TRAPPC11: variants seen among roughly 807,000 people sequenced by gnomAD.
TRAPPC11 encodes trafficking protein particle complex subunit 11.
A neutral mutation model predicts 151.2 loss-of-function variants in TRAPPC11; 104 were observed. The observed-to-expected ratio is 0.69, with a 90% CI of 0.59 to 0.81. The LOEUF (loss-of-function observed/expected upper bound fraction) is 0.81, where lower values mean the gene tolerates loss of function less well. TRAPPC11 is among the 30% of genes least tolerant of loss of function. TRAPPC11 has a pLI of 0.00. For synonymous variants in TRAPPC11, 456 were observed against 472.3 expected (o/e 0.97, Z 0.45); for missense variants, 1,230 against 1,349.6 (o/e 0.91, Z 1.39).
chr4:183,685,017 C>A (rs949769705), intron 15 of TRAPPC11, 67 bp from the exon 16 acceptor site: 1 of 1,488,768 alleles, frequency 6.7e-7, no homozygotes, highest in Non-Finnish European at 9.2e-7. Context: ...GTTTCTAAAA[C>A]AATAAATGGG....
chr4:183,681,697 G>A (rs1393197764), intron 10 of TRAPPC11, among the ~76,000 whole-genome samples: 1 of 151,688 alleles, frequency 6.6e-6, no homozygotes, highest in African/African-American at 2.4e-5. Flanking sequence ...GGAGAATGGC[G>A]TGAACCTGGG....
chr4:183,673,099 A>G (rs1361574245), intron 5 of TRAPPC11, among the ~76,000 whole-genome samples: 1 of 151,396 alleles, frequency 6.6e-6, no homozygotes, highest in Non-Finnish European at 1.5e-5. Context: ...AGTAGCTGGG[A>G]CTACAGGTGC....
At chr4:183,700,045 C>T (rs938094480) in intron 25 of TRAPPC11, among the ~76,000 whole-genome samples, 13 of 152,154 alleles carry the variant, frequency 8.5e-5, no homozygotes, top group South Asian at 2.1e-4. Flanking sequence ...ATCTCCTGAC[C>T]GCGTGATCTG....
chr4:183,697,454 T>C, intron 23 of TRAPPC11, 49 bp from the exon 24 acceptor site: 1 of 1,557,580 alleles, frequency 6.4e-7, no homozygotes, highest in Non-Finnish European at 8.7e-7. Context: ...AAACTTTATA[T>C]AAAAAGATTT....
In TRAPPC11 at chr4:183,663,931, C is replaced by T; in HGVS notation, c.64C>T (p.Leu22=). 1 of 1,614,150 alleles carries T rather than the reference C, an allele frequency of 6.2e-7. No individual in the cohort carries two copies. Among genetic ancestry groups the T allele is most frequent in the East Asian group, 2.2e-5 (1 of 44,888 alleles). ...TTGCCGGCCTATGGCCTTTGTTACT[C>T]TAACGGGCCTGGATGTAGTTTATAA... is the stretch of plus-strand genomic sequence containing the variant. ...LCCRPMAFVT[L]TGLDVVYNAV... is the part of the protein sequence containing the mutation. The change falls in exon 2 of 30, where the codon CTA becomes TTA. Residue 22 remains leucine, a synonymous_variant. Coordinates refer to ENST00000334690, the MANE Select transcript of TRAPPC11 (RefSeq NM_021942.6).
intron 23 of TRAPPC11, among the ~76,000 whole-genome samples, chr4:183,697,046 A>G (rs1277491407): frequency 1.3e-5 from 2 of 152,126 alleles, no homozygotes; most frequent in East Asian, 3.9e-4. Context: ...CACTTTAGCC[A>G]GGTGCTGTGG....
chr4:183,707,269 T>C (rs1241576748), intron 28 of TRAPPC11, among the ~76,000 whole-genome samples: 3 of 151,816 alleles, frequency 2.0e-5, no homozygotes, highest in Non-Finnish European at 4.4e-5. Context: ...TGTGTGTGTG[T>C]GTGTGTGTGT....
At chr4:183,667,724 T>C (rs1007556852) in intron 4 of TRAPPC11, among the ~76,000 whole-genome samples, 7 of 152,224 alleles carry the variant, frequency 4.6e-5, no homozygotes, top group Non-Finnish European at 8.8e-5. Flanking sequence ...GTTTTAGTTA[T>C]GTTTTTTGAA....
chr4:183,676,026 T>G (rs1579175283), intron 7 of TRAPPC11, among the ~76,000 whole-genome samples: 2 of 152,348 alleles, frequency 1.3e-5, no homozygotes, highest in East Asian at 3.9e-4. Flanking sequence ...AAAAATAATT[T>G]TATTATTCAC....
chr4:183,686,384 G>A (rs1440050485), intron 17 of TRAPPC11, among the ~76,000 whole-genome samples: 1 of 152,196 alleles, frequency 6.6e-6, no homozygotes, highest in East Asian at 1.9e-4. Flanking sequence ...TGATCCGCCT[G>A]GCTTGGCCTC....
At chr4:183,706,658 A>G (rs1737088228) in intron 27 of TRAPPC11, 149 bp from the exon 28 acceptor site, 14 of 792,194 alleles carry the variant, frequency 1.8e-5, no homozygotes, top group Middle Eastern at 3.8e-4. Flanking sequence ...CTGTTGTCCA[A>G]TCAAAGAATT....
chr4:183,712,554 T>C, intron 29 of TRAPPC11, 46 bp from the exon 30 acceptor site: 1 of 1,568,274 alleles, frequency 6.4e-7, no homozygotes, highest in South Asian at 1.1e-5. Context: ...GCTTTTGTTA[T>C]TATATTATAA....
chr4:183,700,029 G>T (rs991411730), intron 25 of TRAPPC11, among the ~76,000 whole-genome samples: 1 of 151,898 alleles, frequency 6.6e-6, no homozygotes, highest in South Asian at 2.1e-4. Flanking sequence ...TTTCACCGTG[G>T]TCTCGATCTC....
intron 10 of TRAPPC11, among the ~76,000 whole-genome samples, chr4:183,681,594 C>A (rs1358604912): frequency 6.6e-6 from 1 of 152,006 alleles, no homozygotes; most frequent in Non-Finnish European, 1.5e-5. Flanking sequence ...TCCTGGCTAA[C>A]ACGATGAAAC....
intron 17 of TRAPPC11, among the ~76,000 whole-genome samples, chr4:183,685,636 A>T (rs1735928290): frequency 6.6e-6 from 1 of 152,118 alleles, no homozygotes; most frequent in Admixed American, 6.6e-5. Context: ...TTCAGGTGTT[A>T]TTAGAAACAC....
rs772949319 is a variant in TRAPPC11 at position 183,666,293 on chromosome 4, T to C, written c.241T>C (p.Leu81=). The change falls in exon 3 of 30, where the codon TTA becomes CTA. Residue 81 remains leucine, a synonymous_variant. Coordinates refer to ENST00000334690, the MANE Select transcript of TRAPPC11 (RefSeq NM_021942.6). ...SYEWYIPKGI[L]KTGWMNKHLN... is the part of the protein sequence containing the mutation. ...TGAGTGGTACATTCCTAAAGGGATC[T>C]TAAAGACTGGCTGGATGAATAAGCA... 6.2e-7 allele frequency: 1 copy of C among 1,614,218 alleles called. No homozygotes were observed. The highest frequency in any genetic ancestry group is 8.5e-7 in the Non-Finnish European group (1 of 1,180,024).
chr4:183,685,462 A>T lies in TRAPPC11; in HGVS notation c.1762+59A>T. On this transcript the variant is annotated intron_variant, in intron 17 of 29. Transcript: ENST00000334690. ...GAAATTGTCTTATTTCTACAAAATG[A>T]ATAGGTGCAGAATAATAAATATAAA... The T allele has an allele frequency of 1.9e-6, 3 of 1,546,132 alleles. No individual in the cohort carries two copies. The Admixed American group carries it at 5.1e-5, about 26-fold the overall frequency.
chr4:183,697,882 C>A (rs200831837), intron 25 of TRAPPC11, 47 bp downstream of exon 25: 19 of 1,034,288 alleles, frequency 1.8e-5, no homozygotes, highest in Admixed American at 5.0e-5. Context: ...ATTGTGCGCG[C>A]GTGTGTGTGT....
Position 183,664,116 on chromosome 4 carries a change from A to G in TRAPPC11, c.204+45A>G, listed in dbSNP as rs72691592. On this transcript the variant is annotated intron_variant, in intron 2 of 29. Transcript: ENST00000334690. The stretch of plus-strand genomic sequence containing the variant: ...ATGTGTTCTTTCCTTCTCTCTCTCT[A>G]TGTGTGTGTGTGTGTCTTTTTTGTT... 0.055 allele frequency: 60,360 copies of G among 1,102,464 alleles called. 1,273 individuals carry two copies. Among genetic ancestry groups the G allele is most frequent in the Middle Eastern group, 0.071 (266 of 3,754 alleles). 68.3% of individuals were successfully genotyped at this position (1,102,464 alleles called of 1,614,324 possible). A position where few individuals can be genotyped will look rare whatever the true frequency, so the allele number is the denominator to read the frequency against.
Sources: allele counts gnomAD v4.1 joint callset (sites outside exome capture counted in the v4.1 genomes callset), GRCh38; gene constraint gnomAD v4.1.1; transcripts MANE v1.5; gene names NCBI Gene and HGNC (gene_info 2026-07-23, HGNC 2026-07-21).